Variants in CUX2 observed in about 807,000 individuals in gnomAD.
The protein encoded by CUX2 is homeobox protein cut-like 2.
Under a neutral mutation model 144.8 loss-of-function variants are expected in CUX2, and 40 were observed. The ratio of observed to expected loss-of-function variants is 0.28; its 90% CI spans 0.21 to 0.36. The LOEUF is 0.36. Ranked by LOEUF, CUX2 falls within the 10% of genes least tolerant of loss-of-function variation. The pLI is 1.00. For missense variants in CUX2, 1,615 were observed against 1,994.0 expected (o/e 0.81, Z 3.62); for synonymous variants, 827 against 875.6 (o/e 0.94, Z 0.98).
chr12:111,137,945 G>C (rs1345426998), intron 1 of CUX2, among the ~76,000 whole-genome samples: 1 of 152,252 alleles, frequency 6.6e-6, no homozygotes, highest in East Asian at 1.9e-4. Flanking sequence ...GGTCACCTGA[G>C]TCCAGCCCTG....
At chr12:111,221,300 G>A (rs1426515322) in intron 3 of CUX2, among the ~76,000 whole-genome samples, 1 of 152,110 alleles carries the variant, frequency 6.6e-6, no homozygotes, top group Non-Finnish European at 1.5e-5. Context: ...TGTGCCTCAG[G>A]GGAGAGACGC....
chr12:111,134,618 C>CTGTGTGTGTGTGTGTG (rs773865569), intron 1 of CUX2, among the ~76,000 whole-genome samples: 32 of 146,118 alleles, frequency 2.2e-4, no homozygotes, highest in African/African-American at 7.4e-4. Flanking sequence ...CTCTCTCTCT[C>CTGTGTGTGTGTGTGTG]TCTGTGTGTG....
At chr12:111,272,995 G>A (rs186274314) in intron 4 of CUX2, among the ~76,000 whole-genome samples, 25 of 152,296 alleles carry the variant, frequency 1.6e-4, no homozygotes, top group Non-Finnish European at 2.6e-4. Context: ...CATTCGAGCC[G>A]TGGCGTCTCA....
chr12:111,172,563 G>A (rs1412152187), intron 1 of CUX2, among the ~76,000 whole-genome samples: 2 of 152,242 alleles, frequency 1.3e-5, no homozygotes, highest in African/African-American at 4.8e-5. Flanking sequence ...GGGACTCCGG[G>A]AGGGTGGTTC....
chr12:111,293,602 G>T lies in CUX2; in HGVS notation c.560+33G>T. ...AGGGAAGGTGGGTGGGAGGGAGGAA[G>T]GAATGGGCAGGGCTCCTGCTGCCCC... On this transcript the variant is annotated intron_variant, in intron 6 of 21. Coordinates refer to ENST00000261726, the MANE Select transcript of CUX2 (RefSeq NM_015267.4). The surrounding 1 kb of genome is among the most constrained non-coding windows in gnomAD (Gnocchi z 4.5). 6.4e-7 allele frequency: 1 copy of T among 1,551,942 alleles called. No individual in the cohort carries two copies. The highest frequency in any genetic ancestry group is 2.4e-5 in the East Asian group (1 of 42,112).
At chr12:111,140,504 G>C (rs989342127) in intron 1 of CUX2, among the ~76,000 whole-genome samples, 1 of 152,206 alleles carries the variant, frequency 6.6e-6, no homozygotes, top group Non-Finnish European at 1.5e-5. Context: ...GTGAAGGCAG[G>C]TCTTCAGAAG....
intron 1 of CUX2, among the ~76,000 whole-genome samples, chr12:111,188,916 G>A (rs1405234434): frequency 1.3e-5 from 2 of 152,176 alleles, no homozygotes; most frequent in Non-Finnish European, 2.9e-5. Flanking sequence ...CAAGATGTGG[G>A]CAGATTCAGG....
chr12:111,137,338 C>G (rs1875959070), intron 1 of CUX2, among the ~76,000 whole-genome samples: 1 of 150,490 alleles, frequency 6.6e-6, no homozygotes, highest in African/African-American at 2.5e-5. Flanking sequence ...GCTGTCACCT[C>G]TCTTCTGCTG....
intron 1 of CUX2, among the ~76,000 whole-genome samples, chr12:111,051,864 G>A (rs943949989): frequency 2.0e-5 from 3 of 151,136 alleles, no homozygotes; most frequent in Non-Finnish European, 2.9e-5. Flanking sequence ...ATTTTAATTA[G>A]TGAGGTTTTT....
chr12:111,328,972 T>TCTCTCTCTCTCTCTCTCC lies in CUX2; in HGVS notation c.2927-5466_2927-5465insTCTCTCTCTCTCTCCCTC, dbSNP rs1198113973. ...CTCTCTCTCTCTCTCTCTCTCTCTC[T>TCTCTCTCTCTCTCTCTCC]CTCCCCCTCTCTCCCTCTCTCCCTC... is the stretch of plus-strand genomic sequence containing the variant. On this transcript the variant is annotated intron_variant, in intron 18 of 21. Coordinates refer to ENST00000261726, the MANE Select transcript of CUX2 (RefSeq NM_015267.4). 1.8e-3 allele frequency among the ~76,000 whole-genome samples: 142 copies of TCTCTCTCTCTCTCTCTCC among 80,036 alleles called. 5 individuals carry two copies. The highest frequency in any genetic ancestry group is 0.01 in the East Asian group (6 of 592). The allele number at this position is 80,036 out of a possible 152,430, so 52.5% of individuals were successfully genotyped here.
chr12:111,201,628 G>A (rs762682359), intron 1 of CUX2, among the ~76,000 whole-genome samples: 17 of 152,166 alleles, frequency 1.1e-4, no homozygotes, highest in Non-Finnish European at 1.8e-4. Context: ...ACCCTACCCA[G>A]CATACAGTGG....
At chr12:111,121,369 C>CTTTTTTCTTTTTTTTTTTTTTTT (rs1874660146) in intron 1 of CUX2, among the ~76,000 whole-genome samples, 1 of 59,038 alleles carries the variant, frequency 1.7e-5, no homozygotes, top group African/African-American at 5.4e-5. Context: ...TTTCTTTTTT[C>CTTTTTTCTTTTTTTTTTTTTTTT]TTTTTTTTTT....
intron 1 of CUX2, among the ~76,000 whole-genome samples, chr12:111,152,083 G>C (rs764816800): frequency 6.6e-5 from 10 of 152,028 alleles, no homozygotes; most frequent in African/African-American, 2.4e-4. Flanking sequence ...TCAGGAGTTC[G>C]AGACCAGCCT....
At chr12:111,340,069 G>A (rs1413961508) in intron 20 of CUX2, among the ~76,000 whole-genome samples, 2 of 152,142 alleles carry the variant, frequency 1.3e-5, no homozygotes, top group African/African-American at 4.8e-5. Flanking sequence ...GGTGATGCAT[G>A]CCTGTAATCC....
intron 1 of CUX2, among the ~76,000 whole-genome samples, chr12:111,140,377 G>A (rs1324732527): frequency 1.3e-5 from 2 of 152,154 alleles, no homozygotes; most frequent in Non-Finnish European, 1.5e-5. Flanking sequence ...AGCTAGCAGC[G>A]AAGAGATTTT....
chr12:111,169,102 A>G (rs558159566), intron 1 of CUX2, among the ~76,000 whole-genome samples: 2 of 152,330 alleles, frequency 1.3e-5, no homozygotes, highest in South Asian at 2.1e-4. Context: ...AGATGAGGCC[A>G]TACTAGAGTA....
intron 1 of CUX2, among the ~76,000 whole-genome samples, chr12:111,088,974 G>A (rs1015873484): frequency 2.6e-5 from 4 of 152,208 alleles, no homozygotes; most frequent in South Asian, 2.1e-4. Context: ...CAGGAGTTAC[G>A]ACCCCCTCCC....
At chr12:111,224,516 CT>C (rs34109440) in intron 3 of CUX2, among the ~76,000 whole-genome samples, 14,105 of 77,212 alleles carry the variant, frequency 0.18, 443 homozygotes, top group East Asian at 0.43. Flanking sequence ...AATTACAGGG[CT>C]TTTTTTTTTT....
intron 4 of CUX2, among the ~76,000 whole-genome samples, chr12:111,286,096 G>C (rs1000390227): frequency 6.6e-6 from 1 of 152,204 alleles, no homozygotes; most frequent in Non-Finnish European, 1.5e-5. Flanking sequence ...CTGGGTCTCT[G>C]AGGGACTGAT....
Sources: gnomAD v4.1 joint callset for allele counts (sites outside exome capture counted in the v4.1 genomes callset) on GRCh38, gnomAD v4.1.1 for gene constraint, Gnocchi (gnomAD v3.1) non-coding constraint, MANE v1.5 for transcripts, NCBI Gene and HGNC (gene_info 2026-07-23, HGNC 2026-07-21) for gene names.